Variants in EIF2AK1 observed in about 807,000 individuals in gnomAD.
The protein encoded by EIF2AK1 is eukaryotic translation initiation factor 2 alpha kinase 1, also known as eukaryotic translation initiation factor 2-alpha kinase 1.
Under a neutral mutation model 77.9 loss-of-function variants are expected in EIF2AK1, and 54 were observed. The ratio of observed to expected loss-of-function variants is 0.69; its 90% CI spans 0.56 to 0.87. EIF2AK1 has a LOEUF of 0.87. Ranked by LOEUF, EIF2AK1 falls within the 40% of genes least tolerant of loss-of-function variation. The pLI is 0.00. For synonymous variants in EIF2AK1, 314 were observed against 290.5 expected (o/e 1.08, Z -0.82); for missense variants, 810 against 768.6 (o/e 1.05, Z -0.64).
rs775026165 is a variant in EIF2AK1 at position 6,024,588 on chromosome 7, T to TA, written c.*84dup. 79 of 1,590,058 alleles carry TA rather than the reference T, an allele frequency of 5.0e-5. No homozygotes were observed. Among genetic ancestry groups the TA allele is most frequent in the Non-Finnish European group, 6.7e-5 (79 of 1,171,704 alleles). On this transcript the variant is annotated 3_prime_UTR_variant, in exon 15 of 15. Coordinates refer to ENST00000199389, the MANE Select transcript of EIF2AK1 (RefSeq NM_014413.4). ...ACAAGTCTTGTAAAGGCTTACTAAA[T>TA]ACAACGAAGCATTGTACCAACTATA...
chr7:6,037,660 G>A (rs954473636), intron 10 of EIF2AK1, 136 bp from the exon 11 acceptor site: 5 of 668,308 alleles, frequency 7.5e-6, no homozygotes, highest in African/African-American at 7.2e-5. Flanking sequence ...AGTCAATGCT[G>A]CAGAATGGTC....
In EIF2AK1 at chr7:6,039,810, G is replaced by T. The variant is rs190204090; in HGVS notation, c.1119+1082C>A. On this transcript the variant is annotated intron_variant, in intron 9 of 14. Coordinates refer to ENST00000199389, the MANE Select transcript of EIF2AK1 (RefSeq NM_014413.4). ...AAATTAGCTGGGCGTGGTGGTGGGC[G>T]CCTGTAATTCCAGCTACTCGGGAGG... 1.4e-4 allele frequency among the ~76,000 whole-genome samples: 21 copies of T among 149,982 alleles called. 1 individual carries two copies. The highest frequency in any genetic ancestry group is 5.1e-4 in the African/African-American group (21 of 40,854).
intron 10 of EIF2AK1, 21 bp from the exon 11 acceptor site, chr7:6,037,545 T>C (rs1788143050): frequency 6.7e-7 from 1 of 1,491,906 alleles, no homozygotes; most frequent in African/African-American, 1.4e-5. Flanking sequence ...AAAAAAATAG[T>C]TTTATTTCTC....
intron 10 of EIF2AK1, among the ~76,000 whole-genome samples, chr7:6,038,159 G>C (rs1788157667): frequency 1.3e-5 from 2 of 152,184 alleles, no homozygotes; most frequent in South Asian, 4.1e-4. Context: ...GCCAGGTGCA[G>C]ACGCTCACGC....
chr7:6,053,103 T>C (rs915856433), intron 2 of EIF2AK1, among the ~76,000 whole-genome samples: 1 of 152,362 alleles, frequency 6.6e-6, no homozygotes, highest in South Asian at 2.1e-4. Flanking sequence ...TGAATTGAAG[T>C]AGGGAAATCA....
Position 6,040,890 on chromosome 7 carries a change from A to C in EIF2AK1, c.1119+2T>G. On this transcript the variant is annotated splice_donor_variant, in intron 9 of 14. Coordinates refer to ENST00000199389, the MANE Select transcript of EIF2AK1 (RefSeq NM_014413.4). LOFTEE classifies it high-confidence loss of function. ...TTAGGAGGGTCTGGGAAAGTAATCTACCTCTGTCTGACCCAAAAAGTTGAC... is the reference window on the plus strand; with the variant it reads ...TTAGGAGGGTCTGGGAAAGTAATCTCCCTCTGTCTGACCCAAAAAGTTGAC... 1.2e-6 allele frequency: 2 copies of C among 1,612,886 alleles called. No homozygotes were observed. The highest frequency in any genetic ancestry group is 1.7e-6 in the Non-Finnish European group (2 of 1,179,006).
intron 9 of EIF2AK1, 79 bp downstream of exon 9, chr7:6,040,813 A>T: frequency 8.4e-7 from 1 of 1,189,186 alleles, no homozygotes; most frequent in Non-Finnish European, 1.2e-6. Flanking sequence ...GCCAGAGCTG[A>T]GAGAGGGCGA....
intron 6 of EIF2AK1, among the ~76,000 whole-genome samples, chr7:6,044,937 C>T (rs555433101): frequency 4.8e-4 from 73 of 152,154 alleles, no homozygotes; most frequent in African/African-American, 1.8e-3. Context: ...TTAAGGTAGG[C>T]AGGGTAAGCT....
rs1161096248 is a variant in EIF2AK1 at position 6,026,923 on chromosome 7, G to C, written c.1569C>G (p.Leu523=). 5.6e-6 allele frequency: 9 copies of C among 1,614,094 alleles called. No individual in the cohort carries two copies. Among genetic ancestry groups the C allele is most frequent in the Non-Finnish European group, 7.6e-6 (9 of 1,180,024 alleles). ...MYSLGVVLLE[L]FQPFGTEMER... ...CCATTTCTGTTCCAAACGGCTGAAA[G>C]AGCTCTAGCAGGACCACACCCAAGC... Residue 523 remains leucine, a synonymous_variant, in exon 14 of 15, where the codon CTC becomes CTG. Transcript: ENST00000199389.
At position 6,037,467 on chromosome 7, in the gene EIF2AK1, A is replaced by C. The variant is rs1353792643; in HGVS notation, c.1289T>G (p.Val430Gly). ...AATTCCCATGTTATGTATGTAAAAC[A>C]CACCTTCTACCAATTCTTGAAAAAT... is the stretch of plus-strand genomic sequence containing the variant. ...TKIFQELVEG[V>G]FYIHNMGIVH... The change falls in exon 11 of 15, where the codon GTG becomes GGG. Residue 430 changes from valine to glycine, a missense_variant. By Grantham distance (109) the Val-to-Gly change is moderately radical. Coordinates refer to ENST00000199389, the MANE Select transcript of EIF2AK1 (RefSeq NM_014413.4). 1 of 1,613,564 alleles carries C rather than the reference A, an allele frequency of 6.2e-7. No individual in the cohort carries two copies. The highest frequency in any genetic ancestry group is 1.7e-5 in the Admixed American group (1 of 59,956).
chr7:6,049,875 T>G (rs1788555220), intron 3 of EIF2AK1, 37 bp downstream of exon 3: 2 of 1,561,630 alleles, frequency 1.3e-6, no homozygotes, highest in African/African-American at 2.8e-5. Context: ...TTAAAGTATA[T>G]TTTTGTCATA....
At chr7:6,048,919 T>C (rs1476581374) in intron 3 of EIF2AK1, 75 bp from the exon 4 acceptor site, 2 of 1,022,832 alleles carry the variant, frequency 2.0e-6, no homozygotes, top group East Asian at 2.5e-5. Flanking sequence ...AAATTCAATA[T>C]CACATTAACA....
chr7:6,050,789 G>A (rs1294816839), intron 2 of EIF2AK1, among the ~76,000 whole-genome samples: 1 of 151,744 alleles, frequency 6.6e-6, no homozygotes, highest in African/African-American at 2.4e-5. Flanking sequence ...ATATTTAGTA[G>A]AGAAGGGGTT....
intron 2 of EIF2AK1, among the ~76,000 whole-genome samples, chr7:6,052,584 T>A (rs1260965281): frequency 1.7e-4 from 17 of 97,162 alleles, no homozygotes; most frequent in Admixed American, 4.3e-4. Flanking sequence ...ACTGTTTTGG[T>A]AAAAAAAAAA....
intron 11 of EIF2AK1, among the ~76,000 whole-genome samples, chr7:6,034,850 G>C (rs1414492338): frequency 6.6e-6 from 1 of 152,170 alleles, no homozygotes; most frequent in Non-Finnish European, 1.5e-5. Flanking sequence ...ACTTCGGAAT[G>C]ACCACAGGTC....
intron 7 of EIF2AK1, among the ~76,000 whole-genome samples, 196 bp from the exon 8 acceptor site, chr7:6,043,189 G>T (rs1166630578): frequency 6.6e-6 from 1 of 152,112 alleles, no homozygotes; most frequent in African/African-American, 2.4e-5. Flanking sequence ...GCAACTATAC[G>T]AGGGGTCAGC....
Position 6,039,099 on chromosome 7 carries a change from A to AT in EIF2AK1, c.1120-429dup, listed in dbSNP as rs149766844. ...ACTACTCTATATATTTCTACAAAGT[A>AT]TATATACTTTGTCTGGCTTCACGTT... On this transcript the variant is annotated intron_variant, in intron 9 of 14. Transcript: ENST00000199389. Among the ~76,000 whole-genome samples, 156 of 152,318 alleles carry AT rather than the reference A, an allele frequency of 1.0e-3. 2 individuals carry two copies. In the East Asian group the frequency reaches 0.019, roughly 18 times the overall value.
intron 1 of EIF2AK1, among the ~76,000 whole-genome samples, chr7:6,057,950 T>C (rs969948143): frequency 6.6e-6 from 1 of 152,136 alleles, no homozygotes; most frequent in Non-Finnish European, 1.5e-5. Context: ...AATAGCACAA[T>C]TTAATTTTTA....
intron 1 of EIF2AK1, among the ~76,000 whole-genome samples, chr7:6,056,611 A>AAAAAAAAAAAAAATATAT (rs1788773483): frequency 3.2e-5 from 1 of 31,160 alleles, no homozygotes; most frequent in Non-Finnish European, 7.7e-5. Flanking sequence ...AAAAAAAAAA[A>AAAAAAAAAAAAAATATAT]AAATATATAT....
Sources: allele counts gnomAD v4.1 joint callset (sites outside exome capture counted in the v4.1 genomes callset), GRCh38; gene constraint gnomAD v4.1.1; transcripts MANE v1.5; gene names NCBI Gene and HGNC (gene_info 2026-07-23, HGNC 2026-07-21).